The following CIITA variants were observed in gnomAD, a reference collection of about 807,000 sequenced individuals.
CIITA encodes class II major histocompatibility complex transactivator.
A neutral mutation model predicts 115.1 loss-of-function variants in CIITA; 72 were observed. The observed-to-expected ratio is 0.63, with a 90% CI of 0.52 to 0.76. CIITA has a LOEUF of 0.76. Among genes scored for constraint, CIITA ranks in the 30% least tolerant of loss-of-function variants. The pLI, the probability that CIITA is intolerant of heterozygous loss-of-function variation, is 0.00. For synonymous variants in CIITA, 763 were observed against 635.6 expected, an observed-to-expected ratio of 1.20 and a Z score of -3.02; for missense variants, 1,617 against 1,463.8, an observed-to-expected ratio of 1.10 and a Z score of -1.71.
chr16:10,937,833 C>G (rs1177393011), downstream of CIITA: 2 of 152,208 alleles, frequency 1.3e-5, no homozygotes, highest in Admixed American at 1.3e-4. This position sits in a 1 kb window ranked among gnomAD's most constrained non-coding sequence, Gnocchi z 4.2. Flanking sequence ...AGGAAAACCA[C>G]AGAGCCGGCT....
In CIITA at chr16:10,906,700, C is replaced by A; in HGVS notation, c.1208C>A (p.Ala403Asp). ...GGAGGCCTGGCTGAGGTGCTGTTGG[C>A]TGCCAAGGAGCACCGGCGGCCGCGT... is the stretch of plus-strand genomic sequence containing the variant. The part of the protein sequence containing the change: ...AQGGLAEVLL[A>D]AKEHRRPRET... The change falls in exon 11 of 20, where the codon GCT becomes GAT. Residue 403 changes from alanine (A) to aspartate (D), a missense_variant. Ala to Asp is a moderately radical substitution (Grantham distance 126). Transcript: ENST00000324288. 6.2e-7 allele frequency: 1 copy of A among 1,612,632 alleles called. No homozygotes were observed. Among genetic ancestry groups the A allele is most frequent in the Non-Finnish European group, 8.5e-7 (1 of 1,179,960 alleles).
At chr16:10,895,548 G>A (rs2144292759) in intron 2 of CIITA, 120 bp downstream of exon 2, 8 of 1,553,928 alleles carry the variant, frequency 5.1e-6, no homozygotes, top group East Asian at 2.3e-5. Flanking sequence ...CAGCTCCCAC[G>A]TCTGTGGGAC....
chr16:10,877,191 G>T, upstream of CIITA: 2 of 750,112 alleles, frequency 2.7e-6, no homozygotes, highest in South Asian at 3.0e-5. Flanking sequence ...GCTCCCAACT[G>T]GTGACTGGTT....
At chr16:10,917,801 C>G (rs2040039579) in intron 15 of CIITA, among the ~76,000 whole-genome samples, 1 of 152,130 alleles carries the variant, frequency 6.6e-6, no homozygotes, top group Non-Finnish European at 1.5e-5. Context: ...TTTACTGAAC[C>G]TAGAGGATAT....
At position 10,923,512 on chromosome 16, in the gene CIITA, C is replaced by T. The variant is rs186519229; in HGVS notation, c.*22+187C>T. Reference sequence around the variant, plus strand: ...CGGTGGAGCTGTCCTCCAGGCTTTGCGAGCTTGGTCCCTGTGGTCAGGCTT... The same window carrying T: ...CGGTGGAGCTGTCCTCCAGGCTTTGTGAGCTTGGTCCCTGTGGTCAGGCTT... On this transcript the variant is annotated intron_variant, in intron 19 of 19. Coordinates refer to ENST00000324288, the MANE Select transcript of CIITA (RefSeq NM_000246.4). This position sits in a 1 kb window ranked among gnomAD's most constrained non-coding sequence, Gnocchi z 5.2. Among the ~76,000 whole-genome samples the T allele has an allele frequency of 2.2e-4, 33 of 152,216 alleles. No homozygotes were observed. Among genetic ancestry groups the T allele is most frequent in the Non-Finnish European group, 3.4e-4 (23 of 67,994 alleles).
rs2039953438 is a variant in CIITA at position 10,916,410 on chromosome 16, T to G, written c.3013T>G (p.Ser1005Ala). 6.2e-7 allele frequency: 1 copy of G among 1,613,550 alleles called. No individual in the cohort carries two copies. Among genetic ancestry groups the G allele is most frequent in the African/African-American group, 1.3e-5 (1 of 74,904 alleles). ...SENKIGDEGV[S>A]QLSATFPQLK... is the part of the protein sequence containing the mutation. ...GAACAAGATCGGGGACGAGGGTGTC[T>G]CGCAGCTCTCAGCCACCTTCCCCCA... is the stretch of plus-strand genomic sequence containing the variant. Residue 1005 changes from serine to alanine, a missense_variant, in exon 15 of 20, where the codon TCG becomes GCG. Ser to Ala is a moderately conservative substitution (Grantham distance 99). Coordinates refer to ENST00000324288, the MANE Select transcript of CIITA (RefSeq NM_000246.4).
rs1351705822 is a variant in CIITA, at chr16:10,928,779, G to C, written c.*4924G>C. 6.6e-6 allele frequency: 1 copy of C among 152,320 alleles called. No homozygotes were observed. Among genetic ancestry groups the C allele is most frequent in the Non-Finnish European group, 1.5e-5 (1 of 68,094 alleles). 9.4% of individuals were successfully genotyped at this position (152,320 alleles called of 1,614,324 possible). A position where few individuals can be genotyped will look rare whatever the true frequency, so the allele number is the denominator to read the frequency against. On this transcript the variant is annotated 3_prime_UTR_variant, in exon 20 of 20. Transcript: ENST00000324288. ...TGGGACTTTCACGCCAGCCCGACTGGGGCAGACTCTCTCAACCCCACTGGA... is the reference window on the plus strand; with the variant it reads ...TGGGACTTTCACGCCAGCCCGACTGCGGCAGACTCTCTCAACCCCACTGGA...
Position 10,942,020 on chromosome 16 carries a change from G to A in CIITA, n.1146G>A. On this transcript the variant is annotated non_coding_transcript_exon_variant, in exon 2 of 2. Transcript: ENST00000573379. This position sits in a 1 kb window ranked among gnomAD's most constrained non-coding sequence, Gnocchi z 5.0. Reference sequence around the variant, plus strand: ...GCGCCGAGCATGCAGCGGGTGGCAAGGGCGGCGGCCCGGCGATCCCGGCGA... The same window carrying A: ...GCGCCGAGCATGCAGCGGGTGGCAAAGGCGGCGGCCCGGCGATCCCGGCGA... 3 of 1,409,984 alleles carry A rather than the reference G, an allele frequency of 2.1e-6. No individual in the cohort carries two copies. The highest frequency in any genetic ancestry group is 2.8e-6 in the Non-Finnish European group (3 of 1,082,610). The allele number at this position is 1,409,984 out of a possible 1,614,324, so 87.3% of individuals were successfully genotyped here.
chr16:10,937,953 G>A (rs1238262881), downstream of CIITA: 1 of 152,250 alleles, frequency 6.6e-6, no homozygotes, highest in Non-Finnish European at 1.5e-5. This position sits in a 1 kb window ranked among gnomAD's most constrained non-coding sequence, Gnocchi z 4.2. Flanking sequence ...GCTAGACCTG[G>A]ACCTCCCTGG....
At chr16:10,874,816 C>A (rs374827867), upstream of CIITA, among the ~76,000 whole-genome samples, 1 of 152,110 alleles carries the variant, frequency 6.6e-6, no homozygotes, top group African/African-American at 2.4e-5. Flanking sequence ...CCTTGGCCAT[C>A]GGTCTGAGGG....
At chr16:10,889,063 A>G (rs916303531) in intron 1 of CIITA, among the ~76,000 whole-genome samples, 1 of 152,214 alleles carries the variant, frequency 6.6e-6, no homozygotes, top group Admixed American at 6.5e-5. Context: ...ATTGCCACGG[A>G]TGAAGAGAGG....
chr16:10,888,055 C>T (rs945068718), intron 1 of CIITA, among the ~76,000 whole-genome samples: 19 of 152,194 alleles, frequency 1.2e-4, no homozygotes, highest in African/African-American at 4.1e-4. Flanking sequence ...CAGCCCCAGA[C>T]ACAGAGAAAT....
Position 10,907,873 on chromosome 16 carries a change from A to C in CIITA, c.2381A>C (p.Lys794Thr). ...RKQKVLARYLKRLQPGTLRAR... is the reference protein window; with the variant it reads ...RKQKVLARYLTRLQPGTLRAR... ...CAGAAGGTGCTTGCGAGGTACCTGA[A>C]GCGGCTGCAGCCGGGGACACTGCGG... is the stretch of plus-strand genomic sequence containing the variant. Residue 794 changes from lysine (K) to threonine (T), a missense_variant, in exon 11 of 20, where the codon AAG becomes ACG. Coordinates refer to ENST00000324288, the MANE Select transcript of CIITA (RefSeq NM_000246.4). The surrounding 1 kb of genome is among the most constrained non-coding windows in gnomAD (Gnocchi z 5.0). 1 of 1,607,126 alleles carries C rather than the reference A, an allele frequency of 6.2e-7. No homozygotes were observed. The highest frequency in any genetic ancestry group is 1.1e-5 in the South Asian group (1 of 90,310).
chr16:10,883,031 C>T (rs531139927), intron 1 of CIITA, among the ~76,000 whole-genome samples: 10 of 152,282 alleles, frequency 6.6e-5, no homozygotes, highest in Middle Eastern at 6.8e-3. Flanking sequence ...CCAAGCCTGC[C>T]GATGGCTGGA....
chr16:10,915,529 G>T (rs753645463), intron 13 of CIITA, 41 bp from the exon 14 acceptor site: 1 of 1,512,204 alleles, frequency 6.6e-7, no homozygotes, highest in South Asian at 1.1e-5. Flanking sequence ...GAGGGGCTGT[G>T]ACTGTGACTG....
chr16:10,922,859 C>T (rs919473210), intron 18 of CIITA: 17 of 495,106 alleles, frequency 3.4e-5, no homozygotes, highest in African/African-American at 3.1e-4. Flanking sequence ...TATTAAGTCA[C>T]CATGATGTCC....
chr16:10,903,079 A>G (rs935780181), intron 8 of CIITA, among the ~76,000 whole-genome samples: 2 of 152,020 alleles, frequency 1.3e-5, no homozygotes, highest in African/African-American at 2.4e-5. Flanking sequence ...TTTTTTTTAA[A>G]TGTTTTTGTT....
rs8052709 is a variant in CIITA, at chr16:10,926,398, A to G, written c.*2543A>G. 118,401 of 152,160 alleles carry G rather than the reference A, an allele frequency of 0.78. 46,163 individuals are homozygous for G. The highest frequency in any genetic ancestry group is 0.9 in the East Asian group (4,658 of 5,186). 9.4% of individuals were successfully genotyped at this position (152,160 alleles called of 1,614,324 possible). A position where few individuals can be genotyped will look rare whatever the true frequency, so the allele number is the denominator to read the frequency against. On this transcript the variant is annotated 3_prime_UTR_variant, in exon 20 of 20. Transcript: ENST00000324288. ...GTGTGCGCCTACAGGAGTGAGCACT[A>G]AGGTGTGCTCTGATCATCCACTGTG...
chr16:10,889,534 T>G (rs766506157), intron 1 of CIITA, among the ~76,000 whole-genome samples: 1 of 152,066 alleles, frequency 6.6e-6, no homozygotes, highest in Non-Finnish European at 1.5e-5. Flanking sequence ...TTTGTTTTTT[T>G]TTTGAGATGG....
Sources: allele counts gnomAD v4.1 joint callset (sites outside exome capture counted in the v4.1 genomes callset), GRCh38; gene constraint gnomAD v4.1.1; non-coding constraint Gnocchi (gnomAD v3.1); transcripts MANE v1.5; gene names NCBI Gene and HGNC (gene_info 2026-07-23, HGNC 2026-07-21).